GPC5: variants seen among roughly 807,000 people sequenced by gnomAD.
GPC5 encodes the protein glypican 5, also known as glypican-5.
A neutral mutation model predicts 53.9 loss-of-function variants in GPC5; 47 were observed. The observed-to-expected ratio is 0.87, with a 90% CI of 0.69 to 1.11. The LOEUF (loss-of-function observed/expected upper bound fraction) is 1.11. Among genes scored for constraint, GPC5 ranks in the 50% most tolerant of loss-of-function variants. GPC5 has a pLI of 0.00. For synonymous variants in GPC5, 286 were observed against 263.3 expected, an observed-to-expected ratio of 1.09 and a Z score of -0.84; for missense variants, 748 against 713.1, an observed-to-expected ratio of 1.05 and a Z score of -0.56.
chr13:91,436,581 T>A (rs1202572959), intron 1 of GPC5, among the ~76,000 whole-genome samples: 2 of 152,170 alleles, frequency 1.3e-5, no homozygotes, highest in African/African-American at 4.8e-5. Context: ...TTCTTTTACA[T>A]TTGCTGAGGA....
chr13:92,706,438 A>G (rs550388297), intron 7 of GPC5, among the ~76,000 whole-genome samples: 2 of 152,200 alleles, frequency 1.3e-5, no homozygotes, highest in African/African-American at 4.8e-5. Flanking sequence ...ATTTTCCACC[A>G]GAAAAAAAGT....
chr13:92,530,425 G>GT (rs34890530), intron 7 of GPC5, among the ~76,000 whole-genome samples: 54,097 of 151,936 alleles, frequency 0.36, 9,996 homozygotes, highest in Non-Finnish European at 0.41. Flanking sequence ...AGTGCAGCCA[G>GT]TGGAGGCAAG....
At chr13:91,791,379 C>T (rs1346792010) in intron 5 of GPC5, among the ~76,000 whole-genome samples, 1 of 152,146 alleles carries the variant, frequency 6.6e-6, no homozygotes, top group Admixed American at 6.5e-5. Flanking sequence ...AAAAATAGAA[C>T]TATCCTGGCT....
At chr13:91,796,419 C>G (rs1331920861) in intron 5 of GPC5, among the ~76,000 whole-genome samples, 9 of 152,154 alleles carry the variant, frequency 5.9e-5, no homozygotes, top group Admixed American at 5.2e-4. Flanking sequence ...CTGGAACAAA[C>G]AGACCAGAAG....
At chr13:92,800,129 G>T (rs1264741645) in intron 7 of GPC5, among the ~76,000 whole-genome samples, 1 of 151,730 alleles carries the variant, frequency 6.6e-6, no homozygotes, top group Non-Finnish European at 1.5e-5. Context: ...CATGTTCAAA[G>T]CTCCCAAACT....
intron 6 of GPC5, among the ~76,000 whole-genome samples, chr13:92,011,581 G>C (rs1379472738): frequency 3.9e-5 from 6 of 152,136 alleles, no homozygotes; most frequent in Admixed American, 6.5e-5. Context: ...GATGCTGCCA[G>C]TGTGAGAGCA....
chr13:91,690,032 A>G (rs1426510072), intron 2 of GPC5, among the ~76,000 whole-genome samples: 1 of 152,204 alleles, frequency 6.6e-6, no homozygotes, highest in East Asian at 1.9e-4. Context: ...CACCACAAAC[A>G]TGTAATATGT....
chr13:92,432,667 G>A (rs931319184), intron 7 of GPC5, among the ~76,000 whole-genome samples: 1 of 151,402 alleles, frequency 6.6e-6, no homozygotes, highest in East Asian at 1.9e-4. Context: ...GAGCCATGAC[G>A]CCTGGCCATA....
At chr13:91,415,614 C>T (rs577276806) in intron 1 of GPC5, among the ~76,000 whole-genome samples, 1 of 152,128 alleles carries the variant, frequency 6.6e-6, no homozygotes, top group South Asian at 2.1e-4. Context: ...TCTTGTCTGA[C>T]CAATCTGAGT....
At chr13:91,547,074 G>A (rs1212070265) in intron 2 of GPC5, among the ~76,000 whole-genome samples, 1 of 152,060 alleles carries the variant, frequency 6.6e-6, no homozygotes, top group African/African-American at 2.4e-5. Flanking sequence ...GCAACTGGGT[G>A]AACACTGGTT....
intron 7 of GPC5, among the ~76,000 whole-genome samples, chr13:92,368,147 G>C (rs1471345249): frequency 2.0e-5 from 3 of 151,790 alleles, no homozygotes; most frequent in Admixed American, 1.3e-4. Flanking sequence ...GCCACGCCTG[G>C]CTAATTTTTG....
chr13:92,116,578 T>C (rs2138936557), intron 6 of GPC5, among the ~76,000 whole-genome samples: 1 of 152,320 alleles, frequency 6.6e-6, no homozygotes, highest in Admixed American at 6.5e-5. Flanking sequence ...CAAAAATACC[T>C]AGGAATGGGA....
chr13:91,549,060 A>G (rs188341565), intron 2 of GPC5, among the ~76,000 whole-genome samples: 126 of 152,206 alleles, frequency 8.3e-4, no homozygotes, highest in African/African-American at 3.0e-3. Flanking sequence ...CACTAGGTCA[A>G]GAGTTCGAGA....
At chr13:91,464,951 G>A (rs1420948371) in intron 2 of GPC5, among the ~76,000 whole-genome samples, 2 of 152,102 alleles carry the variant, frequency 1.3e-5, no homozygotes, top group African/African-American at 4.8e-5. Context: ...AAGGGTGCAA[G>A]GGACTTCTCT....
chr13:92,549,872 C>T (rs898137804), intron 7 of GPC5, among the ~76,000 whole-genome samples: 93 of 120,248 alleles, frequency 7.7e-4, no homozygotes, highest in African/African-American at 3.1e-3. Context: ...TTTCTTTTAC[C>T]AAACACACAC....
intron 1 of GPC5, among the ~76,000 whole-genome samples, chr13:91,407,335 T>TA (rs1877398872): frequency 6.6e-6 from 1 of 152,106 alleles, no homozygotes; most frequent in Admixed American, 6.5e-5. Flanking sequence ...TGAAATGGAG[T>TA]AAATGAGTTG....
At chr13:91,868,383 C>G (rs973991566) in intron 5 of GPC5, among the ~76,000 whole-genome samples, 1 of 152,062 alleles carries the variant, frequency 6.6e-6, no homozygotes, top group Non-Finnish European at 1.5e-5. Flanking sequence ...GAAACCTAAT[C>G]AGGGGAACTG....
chr13:91,760,640 C>T (rs748169253), intron 5 of GPC5, among the ~76,000 whole-genome samples: 7 of 152,108 alleles, frequency 4.6e-5, no homozygotes, highest in Non-Finnish European at 8.8e-5. Flanking sequence ...GATTTCTTCT[C>T]CTGCAGGCAT....
intron 7 of GPC5, among the ~76,000 whole-genome samples, chr13:92,164,022 A>G (rs940046016): frequency 1.3e-5 from 2 of 152,160 alleles, no homozygotes; most frequent in African/African-American, 4.8e-5. Context: ...GAACTCAATC[A>G]CTATCATGAG....
Sources: allele counts gnomAD v4.1 joint callset (sites outside exome capture counted in the v4.1 genomes callset), GRCh38; gene constraint gnomAD v4.1.1; transcripts MANE v1.5; gene names NCBI Gene and HGNC (gene_info 2026-07-23, HGNC 2026-07-21).